PDE12: variants seen among roughly 807,000 people sequenced by gnomAD.
PDE12 encodes the protein 2',5'-phosphodiesterase 12.
A neutral mutation model predicts 45.4 loss-of-function variants in PDE12; 26 were observed. The ratio of observed to expected loss-of-function variants is 0.57; its 90% CI spans 0.42 to 0.79. PDE12 has a LOEUF of 0.79. Ranked by LOEUF, PDE12 falls within the 30% of genes least tolerant of loss-of-function variation. The pLI, the probability that PDE12 is intolerant of heterozygous loss-of-function variation, is 0.00. For synonymous variants in PDE12, 283 were observed against 323.9 expected, an observed-to-expected ratio of 0.87 and a Z score of 1.36; for missense variants, 668 against 790.0, an observed-to-expected ratio of 0.85 and a Z score of 1.85.
the PDE12 span, among the ~76,000 whole-genome samples, chr3:57,642,992 G>A: frequency 7.2e-6 from 1 of 139,852 alleles, no homozygotes; most frequent in Admixed American, 7.4e-5. Context: ...GGGGACAAGA[G>A]CGAGACTTCA....
chr3:57,620,983 T>G, the PDE12 span, among the ~76,000 whole-genome samples: 1 of 152,134 alleles, frequency 6.6e-6, no homozygotes, highest in African/African-American at 2.4e-5. Context: ...ATTTTAGAAT[T>G]TGTATGGAAA....
At position 57,561,818 on chromosome 3, in the gene PDE12, A is replaced by T. The variant is rs892234478; in HGVS notation, c.*1814A>T. 23 of 985,074 alleles carry T rather than the reference A, an allele frequency of 2.3e-5. No homozygotes were observed. The highest frequency in any genetic ancestry group is 2.8e-5 in the Non-Finnish European group (23 of 829,618). 61.0% of individuals were successfully genotyped at this position (985,074 alleles called of 1,614,324 possible). A position where few individuals can be genotyped will look rare whatever the true frequency, so the allele number is the denominator to read the frequency against. ...TCAAATGTATTGTTAACACTTAGTA[A>T]GTTTGAAAATGAAGGGGTTTTATCT... On this transcript the variant is annotated 3_prime_UTR_variant, in exon 3 of 3. Transcript: ENST00000311180.
the PDE12 span, chr3:57,641,872 C>T: frequency 1.1e-4 from 68 of 646,226 alleles, 1 homozygote; most frequent in South Asian, 1.9e-4. Context: ...TTATTCAACA[C>T]ATTACATATC....
chr3:57,615,501 A>G, the PDE12 span, among the ~76,000 whole-genome samples: 1 of 152,140 alleles, frequency 6.6e-6, no homozygotes, highest in Non-Finnish European at 1.5e-5. Context: ...CAAAAGAAAG[A>G]CTAAAGCAGA....
In PDE12 at chr3:57,557,176, G is replaced by C; in HGVS notation, c.797G>C (p.Ser266Thr). 1 of 1,614,020 alleles carries C rather than the reference G, an allele frequency of 6.2e-7. No homozygotes were observed. The highest frequency in any genetic ancestry group is 8.5e-7 in the Non-Finnish European group (1 of 1,179,994). ...TTTGGGCACAGCCGGGAGTTGGAAA[G>C]TGTGTGTGTGGTAGAGGCTGGGCCT... ...QRFGHSRELE[S>T]VCVVEAGPGT... Residue 266 changes from serine (S) to threonine (T), a missense_variant, in exon 1 of 3, where the codon AGT becomes ACT. Physicochemically the swap from Ser to Thr is moderately conservative, Grantham distance 58. Transcript: ENST00000311180.
the PDE12 span, among the ~76,000 whole-genome samples, chr3:57,618,294 A>C: frequency 6.6e-6 from 1 of 152,254 alleles, no homozygotes. Context: ...AAGAAATTCT[A>C]TTGATTTGAT....
At chr3:57,634,414 T>C in the PDE12 span, 69 of 353,714 alleles carry the variant, frequency 2.0e-4, no homozygotes, top group Admixed American at 2.3e-3. Flanking sequence ...GCCTGGGTGA[T>C]AGAGTGAGAC....
chr3:57,565,305 TAAAAAC>T lies in PDE12; in HGVS notation c.*5305_*5310del, dbSNP rs2069774167. 6.6e-6 allele frequency: 1 copy of T among 152,168 alleles called. No homozygotes were observed. Among genetic ancestry groups the T allele is most frequent in the African/African-American group, 2.4e-5 (1 of 41,444 alleles). 9.4% of individuals were successfully genotyped at this position (152,168 alleles called of 1,614,324 possible). ...CACATAGCCCTTTTTTTAAAAAAAT[TAAAAAC>T]AAATTTTTTCTCCAGAAAAAAACAT... On this transcript the variant is annotated 3_prime_UTR_variant, in exon 3 of 3. Coordinates refer to ENST00000311180, the MANE Select transcript of PDE12 (RefSeq NM_177966.7).
downstream of PDE12, among the ~76,000 whole-genome samples, chr3:57,570,066 T>C (rs7635607): frequency 0.26 from 38,858 of 151,804 alleles, 7,231 homozygotes; most frequent in African/African-American, 0.52. Flanking sequence ...TTTTATCCTA[T>C]AGGAAATGAC....
the PDE12 span, among the ~76,000 whole-genome samples, chr3:57,622,936 G>C: frequency 1.3e-5 from 2 of 152,140 alleles, no homozygotes; most frequent in African/African-American, 4.8e-5. Context: ...TGGTTGTTTG[G>C]GGGAGACAGG....
At chr3:57,595,136 G>A in the PDE12 span, among the ~76,000 whole-genome samples, 1 of 152,202 alleles carries the variant, frequency 6.6e-6, no homozygotes, top group East Asian at 1.9e-4. Context: ...TTGGGGTGGA[G>A]GGAAATGCCT....
At chr3:57,586,267 T>C in the PDE12 span, among the ~76,000 whole-genome samples, 10 of 150,648 alleles carry the variant, frequency 6.6e-5, no homozygotes, top group African/African-American at 1.2e-4. Flanking sequence ...CAATCAAGTA[T>C]TGATTTAAGC....
At chr3:57,623,832 C>G in the PDE12 span, among the ~76,000 whole-genome samples, 1 of 152,142 alleles carries the variant, frequency 6.6e-6, no homozygotes. Context: ...CATGTAGGAT[C>G]CATGAAGTCC....
At chr3:57,650,973 G>T in the PDE12 span, among the ~76,000 whole-genome samples, 1 of 151,982 alleles carries the variant, frequency 6.6e-6, no homozygotes, top group Admixed American at 6.6e-5. Context: ...TAGTAGAGAT[G>T]GGGTTTCTCC....
At chr3:57,603,681 G>T in the PDE12 span, among the ~76,000 whole-genome samples, 1 of 149,802 alleles carries the variant, frequency 6.7e-6, no homozygotes, top group African/African-American at 2.5e-5. Context: ...GGAGTGCAAT[G>T]GCGCGATCTC....
In PDE12 at chr3:57,556,499, G is replaced by T. The variant is rs1386679629; in HGVS notation, c.120G>T (p.Val40=). The stretch of plus-strand genomic sequence containing the variant: ...CGGGAGCGATGGAGCGCGCTGTAGT[G>T]CGCTGCGTACCTTCGGAACCCAAGC... ...TAAGAMERAV[V]RCVPSEPKLS... The change falls in exon 1 of 3, where the codon GTG becomes GTT. Residue 40 remains valine (V), a synonymous_variant. Transcript: ENST00000311180. This position sits in a 1 kb window ranked among gnomAD's most constrained non-coding sequence, Gnocchi z 5.0. 9.9e-6 allele frequency: 16 copies of T among 1,613,238 alleles called. No homozygotes were observed. Among genetic ancestry groups the T allele is most frequent in the Admixed American group, 5.0e-5 (3 of 60,014 alleles).
the PDE12 span, among the ~76,000 whole-genome samples, chr3:57,636,111 CAGT>C: frequency 1.4e-4 from 21 of 152,278 alleles, no homozygotes; most frequent in African/African-American, 5.1e-4. Flanking sequence ...CTCTGATCAA[CAGT>C]AGGCTGTTAG....
chr3:57,616,635 C>T, the PDE12 span, among the ~76,000 whole-genome samples: 1 of 152,144 alleles, frequency 6.6e-6, no homozygotes, highest in African/African-American at 2.4e-5. Context: ...TAAATTCTAC[C>T]AGACTTTTAA....
At chr3:57,614,828 A>G in the PDE12 span, among the ~76,000 whole-genome samples, 1 of 151,652 alleles carries the variant, frequency 6.6e-6, no homozygotes, top group African/African-American at 2.4e-5. Flanking sequence ...ACCCGTCTCT[A>G]CGAAAAATAC....
Sources: allele counts gnomAD v4.1 joint callset (sites outside exome capture counted in the v4.1 genomes callset), GRCh38; gene constraint gnomAD v4.1.1; non-coding constraint Gnocchi (gnomAD v3.1); transcripts MANE v1.5; gene names NCBI Gene and HGNC (gene_info 2026-07-23, HGNC 2026-07-21).